Variants in CDC42BPA observed in about 807,000 individuals in gnomAD.
CDC42BPA encodes the protein serine/threonine-protein kinase MRCK alpha.
In CDC42BPA, 80 loss-of-function variants were observed where a neutral mutation model predicts 223.5. The observed-to-expected ratio is 0.36, with a 90% CI of 0.30 to 0.43. The LOEUF is 0.43. Ranked by LOEUF, CDC42BPA falls within the 20% of genes least tolerant of loss-of-function variation. The probability of loss-of-function intolerance (pLI) is 1.00; values close to 1 mark genes in which losing one functional copy is unlikely to be tolerated. For synonymous variants in CDC42BPA, 694 were observed against 718.6 expected (o/e 0.97, Z 0.55); for missense variants, 1,743 against 2,099.9 (o/e 0.83, Z 3.32).
chr1:227,285,751 T>TA (rs1242410349), intron 1 of CDC42BPA, among the ~76,000 whole-genome samples: 3 of 151,988 alleles, frequency 2.0e-5, no homozygotes, highest in South Asian at 4.1e-4. Context: ...CACGCTAGTG[T>TA]AAAAAAAGGA....
At chr1:227,222,606 G>T (rs989790688) in intron 2 of CDC42BPA, among the ~76,000 whole-genome samples, 1 of 152,230 alleles carries the variant, frequency 6.6e-6, no homozygotes, top group South Asian at 2.1e-4. Flanking sequence ...TGGAAGGAAG[G>T]AATGCTGCAC....
intron 6 of CDC42BPA, among the ~76,000 whole-genome samples, chr1:227,149,496 AAACAG>A (rs1661329344): frequency 6.6e-6 from 1 of 152,204 alleles, no homozygotes; most frequent in Non-Finnish European, 1.5e-5. Flanking sequence ...AAATCCCAAC[AAACAG>A]AACAATAGAT....
At chr1:227,196,392 T>C (rs1156679290) in intron 4 of CDC42BPA, among the ~76,000 whole-genome samples, 1 of 134,890 alleles carries the variant, frequency 7.4e-6, no homozygotes, top group Admixed American at 8.2e-5. Flanking sequence ...CAGGCTGGAG[T>C]GCAGTGGCGT....
chr1:227,193,983 A>G (rs769323742), intron 4 of CDC42BPA, 49 bp from the exon 5 acceptor site: 2 of 1,355,148 alleles, frequency 1.5e-6, no homozygotes, highest in East Asian at 4.8e-5. Flanking sequence ...TAAGGGTGAA[A>G]AATCAATATA....
chr1:227,311,625 A>G (rs1427130944), intron 1 of CDC42BPA, among the ~76,000 whole-genome samples: 1 of 152,088 alleles, frequency 6.6e-6, no homozygotes, highest in Non-Finnish European at 1.5e-5. Context: ...TCAGAAACGG[A>G]AAAAAACAAA....
At chr1:227,133,772 C>G (rs367689850) in intron 10 of CDC42BPA, among the ~76,000 whole-genome samples, 16,027 of 151,246 alleles carry the variant, frequency 0.11, 877 homozygotes, top group African/African-American at 0.15. Context: ...GCAGCATGCT[C>G]GTTGAGAGTC....
At position 227,165,624 on chromosome 1, in the gene CDC42BPA, T is replaced by C. The variant is rs939283449; in HGVS notation, c.600-4988A>G. ...CTACCAAGAAGATCAAAAATAGTGA[T>C]AAAAGTATAGTGAGAGAATGCAGGG... On this transcript the variant is annotated intron_variant, in intron 5 of 36. Coordinates refer to ENST00000366766, the MANE Select transcript of CDC42BPA (RefSeq NM_001394014.1). 2.6e-5 allele frequency among the ~76,000 whole-genome samples: 4 copies of C among 152,088 alleles called. No individual in the cohort carries two copies. In the East Asian group the frequency reaches 7.7e-4, roughly 29 times the overall value.
At chr1:227,309,764 C>T (rs1693200276) in intron 1 of CDC42BPA, among the ~76,000 whole-genome samples, 1 of 152,068 alleles carries the variant, frequency 6.6e-6, no homozygotes, top group African/African-American at 2.4e-5. Flanking sequence ...TTAATTAGAG[C>T]AGGAAAAGGT....
Position 227,031,382 on chromosome 1 carries a change from T to C in CDC42BPA, c.3691A>G (p.Arg1231Gly), listed in dbSNP as rs181637825. Residue 1231 changes from arginine (R) to glycine (G), a missense_variant, in exon 28 of 37, where the codon AGA (arginine) becomes GGA (glycine). Physicochemically the swap from Arg to Gly is moderately radical, Grantham distance 125 (BLOSUM62 -2). Transcript: ENST00000366766. ...TTGGGAACATAGACTGAGCGGTCTC[T>C]GAATTTGTTTTTCTTCAAAATCTTG... Reference protein sequence around the residue: ...LHKILKKNKFRDRSVYVPKEA... With the variant: ...LHKILKKNKFGDRSVYVPKEA... The C allele has an allele frequency of 2.4e-5, 39 of 1,614,176 alleles. No homozygotes were observed. Among genetic ancestry groups the C allele is most frequent in the Admixed American group, 6.7e-5 (4 of 60,030 alleles).
At position 226,994,062 on chromosome 1, in the gene CDC42BPA, A is replaced by C. The variant is rs2148202545; in HGVS notation, c.*206T>G. The C allele has an allele frequency of 1.9e-6, 1 of 527,296 alleles. No individual in the cohort carries two copies. Among genetic ancestry groups the C allele is most frequent in the Non-Finnish European group, 3.4e-6 (1 of 295,372 alleles). 32.7% of individuals were successfully genotyped at this position (527,296 alleles called of 1,614,324 possible). On this transcript the variant is annotated 3_prime_UTR_variant, in exon 37 of 37. Transcript: ENST00000366766. The surrounding 1 kb of genome is among the most constrained non-coding windows in gnomAD (Gnocchi z 4.0). ...GAAATCAACGTTAATCTAAGCTGCTACGGAAAGTCTGTCTTTGTTGTTGCT... is the reference window on the plus strand; with the variant it reads ...GAAATCAACGTTAATCTAAGCTGCTCCGGAAAGTCTGTCTTTGTTGTTGCT...
At chr1:227,114,268 G>A (rs1034029739) in intron 12 of CDC42BPA, among the ~76,000 whole-genome samples, 2 of 151,828 alleles carry the variant, frequency 1.3e-5, no homozygotes, top group Non-Finnish European at 2.9e-5. Flanking sequence ...ATTAGACTAA[G>A]AACAGACACT....
intron 1 of CDC42BPA, among the ~76,000 whole-genome samples, chr1:227,278,115 C>T (rs1315186477): frequency 3.3e-5 from 5 of 152,310 alleles, no homozygotes; most frequent in Middle Eastern, 3.4e-3. Flanking sequence ...AACTAGGCCA[C>T]TAAGACTGAC....
chr1:227,204,695 T>C (rs1197676692), intron 3 of CDC42BPA, among the ~76,000 whole-genome samples: 2 of 152,178 alleles, frequency 1.3e-5, no homozygotes, highest in Admixed American at 1.3e-4. Context: ...GGCATATACT[T>C]TTTGGGTAGC....
intron 17 of CDC42BPA, among the ~76,000 whole-genome samples, chr1:227,080,506 GT>G (rs766413370): frequency 6.6e-6 from 1 of 151,878 alleles, no homozygotes; most frequent in African/African-American, 2.4e-5. Context: ...TAGCTTCTAA[GT>G]TTTTTTTGCA....
rs368995324 is a variant in CDC42BPA at position 227,147,866 on chromosome 1, A to AT, written c.694-308dup. Among the ~76,000 whole-genome samples, 231 of 150,860 alleles carry AT rather than the reference A, an allele frequency of 1.5e-3. 2 individuals are homozygous for AT. Among genetic ancestry groups the AT allele is most frequent in the African/African-American group, 5.4e-3 (221 of 41,118 alleles). On this transcript the variant is annotated intron_variant, in intron 6 of 36. Coordinates refer to ENST00000366766, the MANE Select transcript of CDC42BPA (RefSeq NM_001394014.1). ...GAATATTTGGTTTAGAACACTCATTATTGATAATTACCTGTCAAACCTATA... is the reference window on the plus strand; with the variant it reads ...GAATATTTGGTTTAGAACACTCATTATTTGATAATTACCTGTCAAACCTATA...
chr1:227,230,211 C>T (rs1232143790), intron 2 of CDC42BPA, among the ~76,000 whole-genome samples: 1 of 152,230 alleles, frequency 6.6e-6, no homozygotes, highest in Admixed American at 6.5e-5. Context: ...GAGTTTACCT[C>T]TCTGATTTCA....
intron 2 of CDC42BPA, among the ~76,000 whole-genome samples, chr1:227,240,954 G>A (rs554676529): frequency 6.6e-6 from 1 of 152,016 alleles, no homozygotes; most frequent in Admixed American, 6.5e-5. Context: ...AAACCACACA[G>A]TCTGAGAAAA....
At chr1:227,301,724 T>C (rs1400546736) in intron 1 of CDC42BPA, among the ~76,000 whole-genome samples, 1 of 152,148 alleles carries the variant, frequency 6.6e-6, no homozygotes, top group Non-Finnish European at 1.5e-5. Flanking sequence ...TATCAGTTAT[T>C]CATAAATACA....
At chr1:227,270,285 G>A (rs16847558) in intron 1 of CDC42BPA, among the ~76,000 whole-genome samples, 2 of 152,122 alleles carry the variant, frequency 1.3e-5, no homozygotes, top group South Asian at 4.1e-4. Context: ...TAGGAAGAGG[G>A]TCTAAAAGGA....
Sources: gnomAD v4.1 joint callset for allele counts (sites outside exome capture counted in the v4.1 genomes callset) on GRCh38, gnomAD v4.1.1 for gene constraint, Gnocchi (gnomAD v3.1) non-coding constraint, MANE v1.5 for transcripts, NCBI Gene and HGNC (gene_info 2026-07-23, HGNC 2026-07-21) for gene names.